PLXDC2: variants seen among roughly 807,000 people sequenced by gnomAD.
The protein encoded by PLXDC2 is plexin domain-containing protein 2.
A neutral mutation model predicts 68.9 loss-of-function variants in PLXDC2; 40 were observed. The observed-to-expected ratio is 0.58, with a 90% confidence interval of 0.45 to 0.76. The LOEUF (loss-of-function observed/expected upper bound fraction) is 0.76, where lower values mean the gene tolerates loss of function less well. Among genes scored for constraint, PLXDC2 ranks in the 30% least tolerant of loss-of-function variants. The pLI, the probability that PLXDC2 is intolerant of heterozygous loss-of-function variation, is 0.00. For missense variants in PLXDC2, 644 were observed against 661.9 expected (o/e 0.97, Z 0.30); for synonymous variants, 243 against 234.2 (o/e 1.04, Z -0.34).
At chr10:20,012,121 A>G (rs1835124398) in intron 2 of PLXDC2, among the ~76,000 whole-genome samples, 1 of 152,136 alleles carries the variant, frequency 6.6e-6, no homozygotes. Flanking sequence ...CATTACAAAT[A>G]GAGAAGGCAT....
At chr10:19,837,184 C>T (rs771455715) in intron 1 of PLXDC2, among the ~76,000 whole-genome samples, 3 of 150,946 alleles carry the variant, frequency 2.0e-5, no homozygotes, top group Non-Finnish European at 4.4e-5. Context: ...TAACATGTTA[C>T]CCAGCAAGAC....
At position 20,287,695 on chromosome 10, in the gene PLXDC2, G is replaced by A. The variant is rs984799123; in HGVS notation, c.*7876G>A. The A allele has an allele frequency of 1.3e-5, 2 of 152,122 alleles. No individual in the cohort carries two copies. The highest frequency in any genetic ancestry group is 2.9e-5 in the Non-Finnish European group (2 of 68,028). The allele number at this position is 152,122 out of a possible 1,614,324, so 9.4% of individuals were successfully genotyped here. The stretch of plus-strand genomic sequence containing the variant: ...AAGTCTCTTTAGAAACAGACATCTT[G>A]TGTATGGCGTAACCCAGTCTTGGGG... On this transcript the variant is annotated 3_prime_UTR_variant, in exon 14 of 14. Transcript: ENST00000377252.
chr10:20,142,453 A>G (rs1366931829), intron 4 of PLXDC2, among the ~76,000 whole-genome samples: 1 of 152,118 alleles, frequency 6.6e-6, no homozygotes, highest in Non-Finnish European at 1.5e-5. Context: ...CCTTGAAAGC[A>G]AGAAGCCAGC....
Position 19,845,175 on chromosome 10 carries a change from C to G in PLXDC2, c.112+27984C>G, listed in dbSNP as rs188560128. 4.1e-3 allele frequency among the ~76,000 whole-genome samples: 623 copies of G among 152,200 alleles called. 3 individuals are homozygous for G. The highest frequency in any genetic ancestry group is 6.9e-3 in the Non-Finnish European group (469 of 68,002). On this transcript the variant is annotated intron_variant, in intron 1 of 13. Transcript: ENST00000377252. ...CACGTTCCCTGTCTATAGAAGAAGG[C>G]CCTTGCACCAAGTCTGAAATTCTCA...
At chr10:19,987,146 C>G (rs370401492) in intron 1 of PLXDC2, among the ~76,000 whole-genome samples, 115 of 152,252 alleles carry the variant, frequency 7.6e-4, no homozygotes, top group African/African-American at 2.7e-3. Context: ...GAGGTTAATC[C>G]CATTTGGCTG....
intron 1 of PLXDC2, among the ~76,000 whole-genome samples, chr10:19,888,821 A>G (rs989476526): frequency 2.0e-5 from 3 of 152,144 alleles, no homozygotes; most frequent in African/African-American, 7.2e-5. Context: ...AAATGTCATT[A>G]AAAAGGGAGA....
chr10:20,102,665 T>C (rs1833438623), intron 4 of PLXDC2, among the ~76,000 whole-genome samples: 1 of 152,196 alleles, frequency 6.6e-6, no homozygotes, highest in South Asian at 2.1e-4. Flanking sequence ...CCTATTATTG[T>C]GGTACAGAAC....
intron 9 of PLXDC2, among the ~76,000 whole-genome samples, chr10:20,203,668 A>G (rs906393137): frequency 6.6e-6 from 1 of 151,910 alleles, no homozygotes; most frequent in Non-Finnish European, 1.5e-5. Context: ...AAAGTCCCTG[A>G]TGTTGTTATG....
At chr10:20,117,334 A>C (rs1833635672) in intron 4 of PLXDC2, among the ~76,000 whole-genome samples, 1 of 152,238 alleles carries the variant, frequency 6.6e-6, no homozygotes, top group Non-Finnish European at 1.5e-5. Flanking sequence ...AAAGAAATGA[A>C]TTCCTCTCAA....
chr10:20,031,805 A>ATTAT (rs144152981), intron 2 of PLXDC2, among the ~76,000 whole-genome samples: 8,449 of 148,304 alleles, frequency 0.057, 255 homozygotes, highest in South Asian at 0.097. Context: ...AGTTGTTTTT[A>ATTAT]TTATTTATTT....
At chr10:20,030,943 G>A (rs939197559) in intron 2 of PLXDC2, among the ~76,000 whole-genome samples, 15 of 151,988 alleles carry the variant, frequency 9.9e-5, no homozygotes, top group African/African-American at 2.7e-4. Flanking sequence ...CCCAAATTTA[G>A]CCCACTTAGA....
intron 2 of PLXDC2, among the ~76,000 whole-genome samples, chr10:20,014,374 C>CCTTG (rs1835169301): frequency 8.7e-5 from 6 of 69,290 alleles, no homozygotes; most frequent in African/African-American, 2.9e-4. Flanking sequence ...TTCCTTCCTT[C>CCTTG]CTTCCTTGCT....
chr10:19,938,382 G>A (rs1833762951), intron 1 of PLXDC2, among the ~76,000 whole-genome samples: 3 of 152,278 alleles, frequency 2.0e-5, no homozygotes, highest in Non-Finnish European at 2.9e-5. Context: ...TTGACTCATG[G>A]TTCTCCACGC....
chr10:19,896,647 G>T (rs906934849), intron 1 of PLXDC2, among the ~76,000 whole-genome samples: 17 of 152,156 alleles, frequency 1.1e-4, no homozygotes, highest in Admixed American at 1.0e-3. Flanking sequence ...GTGGATGGCA[G>T]TTCTGCACAA....
intron 1 of PLXDC2, among the ~76,000 whole-genome samples, chr10:19,921,771 T>C (rs1833464812): frequency 6.6e-6 from 1 of 152,214 alleles, no homozygotes; most frequent in African/African-American, 2.4e-5. Flanking sequence ...GGGGCTGAAA[T>C]AGAGCCTGCA....
intron 1 of PLXDC2, among the ~76,000 whole-genome samples, chr10:19,927,539 A>G (rs943278477): frequency 6.6e-6 from 1 of 151,464 alleles, no homozygotes; most frequent in Non-Finnish European, 1.5e-5. Context: ...GTCTCTACTA[A>G]AAAAATACAA....
At chr10:19,888,027 C>G (rs375376972) in intron 1 of PLXDC2, among the ~76,000 whole-genome samples, 1 of 152,148 alleles carries the variant, frequency 6.6e-6, no homozygotes, top group Non-Finnish European at 1.5e-5. Context: ...TGGAGGAACA[C>G]GCCTATCACT....
chr10:20,019,188 G>T (rs41459151), intron 2 of PLXDC2, among the ~76,000 whole-genome samples: 2 of 152,082 alleles, frequency 1.3e-5, no homozygotes, highest in South Asian at 2.1e-4. Context: ...GACTGTTTTA[G>T]GGGCAAACTT....
At chr10:20,144,781 C>T (rs1392586155) in intron 5 of PLXDC2, among the ~76,000 whole-genome samples, 5 of 152,130 alleles carry the variant, frequency 3.3e-5, no homozygotes, top group Non-Finnish European at 5.9e-5. Flanking sequence ...TTTCCAAACT[C>T]CGACATTCAC....
Sources: gnomAD v4.1 joint callset for allele counts (sites outside exome capture counted in the v4.1 genomes callset) on GRCh38, gnomAD v4.1.1 for gene constraint, MANE v1.5 for transcripts, NCBI Gene and HGNC (gene_info 2026-07-23, HGNC 2026-07-21) for gene names.